RP1: variants seen among roughly 807,000 people sequenced by gnomAD.
RP1 encodes the protein oxygen-regulated protein 1.
A neutral mutation model predicts 14.8 loss-of-function variants in RP1; 16 were observed. The observed-to-expected ratio is 1.08, with a 90% CI of 0.73 to 1.65. The LOEUF (loss-of-function observed/expected upper bound fraction) is 1.65. Among genes scored for constraint, RP1 ranks in the 40% most tolerant of loss-of-function variants. RP1 has a pLI of 0.00. For missense variants in RP1, 2,631 were observed against 2,535.0 expected, an observed-to-expected ratio of 1.04 and a Z score of -0.81; for synonymous variants, 876 against 883.6, an observed-to-expected ratio of 0.99 and a Z score of 0.15.
chr8:54,658,170 G>A (rs1306764747), intron 6 of RP1, among the ~76,000 whole-genome samples: 1 of 152,122 alleles, frequency 6.6e-6, no homozygotes, highest in Non-Finnish European at 1.5e-5. Context: ...ATGAGTGTAA[G>A]CATACAGTTT....
At chr8:54,825,765 C>T (rs1811374253) in intron 24 of RP1, among the ~76,000 whole-genome samples, 1 of 152,126 alleles carries the variant, frequency 6.6e-6, no homozygotes, top group African/African-American at 2.4e-5. Context: ...TTTTCCTTTA[C>T]ATATTTTGCT....
intron 24 of RP1, among the ~76,000 whole-genome samples, chr8:54,786,582 G>A (rs543312118): frequency 9.2e-5 from 14 of 152,048 alleles, no homozygotes; most frequent in Admixed American, 3.9e-4. Context: ...ACCAATGTTC[G>A]TCGTTTTCAT....
At chr8:54,621,653 T>C in intron 2 of RP1, 72 bp downstream of exon 2, 1 of 1,604,844 alleles carries the variant, frequency 6.2e-7, no homozygotes, top group Non-Finnish European at 8.5e-7. Context: ...GTGTGGGATA[T>C]GAATGGTGGC....
At chr8:54,713,269 T>C (rs1808333381) in intron 15 of RP1, among the ~76,000 whole-genome samples, 1 of 152,204 alleles carries the variant, frequency 6.6e-6, no homozygotes. Flanking sequence ...ATCACCTTAA[T>C]AGATTTGATG....
At chr8:54,796,326 A>G (rs1318283207) in intron 24 of RP1, among the ~76,000 whole-genome samples, 1 of 152,222 alleles carries the variant, frequency 6.6e-6, no homozygotes, top group African/African-American at 2.4e-5. Context: ...AATTCTTAAA[A>G]GTATTTGTAT....
rs978054132 is a variant in RP1, at chr8:54,671,862, A to T, written c.1324-1988A>T. Among the ~76,000 whole-genome samples the T allele has an allele frequency of 2.0e-5, 3 of 152,106 alleles. No individual in the cohort carries two copies. The East Asian group carries it at 5.8e-4, about 29-fold the overall frequency. On this transcript the variant is annotated intron_variant, in intron 7 of 22. Transcript: ENST00000636932. The stretch of plus-strand genomic sequence containing the variant: ...TTTCATGGAACCATTCATTTCTTTG[A>T]TCGGGCCATGTTTTCCTCTTCTTTG...
At chr8:54,724,316 A>T (rs745821712) in intron 16 of RP1, among the ~76,000 whole-genome samples, 4 of 152,220 alleles carry the variant, frequency 2.6e-5, no homozygotes, top group Non-Finnish European at 4.4e-5. Context: ...CACTTGTTTT[A>T]CTTTTAAAAT....
At chr8:54,660,475 T>C (rs1585587039) in intron 6 of RP1, among the ~76,000 whole-genome samples, 1 of 152,306 alleles carries the variant, frequency 6.6e-6, no homozygotes, top group African/African-American at 2.4e-5. Flanking sequence ...GCATGTTACA[T>C]TGATTGATTT....
chr8:54,581,321 C>T (rs562392494), intron 1 of RP1, among the ~76,000 whole-genome samples: 9 of 152,272 alleles, frequency 5.9e-5, no homozygotes, highest in East Asian at 1.9e-4. Flanking sequence ...CATGTCCCTA[C>T]GAAGGACATG....
intron 14 of RP1, among the ~76,000 whole-genome samples, chr8:54,703,936 T>C (rs941835658): frequency 5.9e-5 from 9 of 152,178 alleles, no homozygotes; most frequent in African/African-American, 2.2e-4. Flanking sequence ...CTTCATAGAA[T>C]TGTAGAGAGT....
intron 7 of RP1, among the ~76,000 whole-genome samples, chr8:54,671,570 C>T (rs1042489982): frequency 6.6e-6 from 1 of 152,046 alleles, no homozygotes; most frequent in Non-Finnish European, 1.5e-5. Flanking sequence ...AAGTGAACTG[C>T]TTTCAAGAAA....
intron 3 of RP1, among the ~76,000 whole-genome samples, chr8:54,645,173 A>G (rs1365165558): frequency 6.6e-6 from 1 of 152,188 alleles, no homozygotes; most frequent in East Asian, 1.9e-4. Context: ...GTTTCTGGCT[A>G]TTGTGAGTAA....
In RP1 at chr8:54,692,452, A is replaced by G. The variant is rs1367774179; in HGVS notation, c.1718-7015A>G. Among the ~76,000 whole-genome samples, 10 of 42,502 alleles carry G rather than the reference A, an allele frequency of 2.4e-4. 4 individuals are homozygous for G. Among genetic ancestry groups the G allele is most frequent in the Non-Finnish European group, 7.7e-5 (2 of 25,900 alleles). 27.9% of individuals were successfully genotyped at this position (42,502 alleles called of 152,430 possible). ...CCAGTAACAGTGTAAAACTATTCCT[A>G]TTTCTCCACATCCTCTCCAGCACCT... On this transcript the variant is annotated intron_variant, in intron 12 of 22. Coordinates refer to the RP1 transcript ENST00000636932.
At chr8:54,863,221 AC>A (rs1214604715) in intron 27 of RP1, among the ~76,000 whole-genome samples, 1 of 151,974 alleles carries the variant, frequency 6.6e-6, no homozygotes, top group Non-Finnish European at 1.5e-5. Flanking sequence ...GAAACACATT[AC>A]CTTTTCTATG....
chr8:54,803,741 A>G (rs1353658691), intron 24 of RP1, among the ~76,000 whole-genome samples: 2 of 152,242 alleles, frequency 1.3e-5, no homozygotes, highest in Admixed American at 6.5e-5. Flanking sequence ...TTATATATAC[A>G]TAAATATTAC....
intron 1 of RP1, among the ~76,000 whole-genome samples, chr8:54,602,009 C>A (rs1805304006): frequency 6.6e-6 from 1 of 152,184 alleles, no homozygotes; most frequent in Non-Finnish European, 1.5e-5. Flanking sequence ...TGGAACAACT[C>A]TGAATATTCT....
At chr8:54,797,933 T>C (rs1280232546) in intron 24 of RP1, among the ~76,000 whole-genome samples, 1 of 149,556 alleles carries the variant, frequency 6.7e-6, no homozygotes, top group Admixed American at 6.8e-5. Context: ...AATTTTGCAG[T>C]GTGGTGATTT....
chr8:54,748,954 T>C (rs1809293664), intron 19 of RP1, among the ~76,000 whole-genome samples: 1 of 152,180 alleles, frequency 6.6e-6, no homozygotes, highest in Non-Finnish European at 1.5e-5. Flanking sequence ...TTCTATCCAG[T>C]GTTTATCTTA....
intron 17 of RP1, among the ~76,000 whole-genome samples, chr8:54,728,215 T>C (rs1465585996): frequency 1.3e-5 from 2 of 152,144 alleles, no homozygotes; most frequent in African/African-American, 4.8e-5. Flanking sequence ...CCTAGAAGTC[T>C]CTCTCTCATC....
Sources: allele counts gnomAD v4.1 joint callset (sites outside exome capture counted in the v4.1 genomes callset), GRCh38; gene constraint gnomAD v4.1.1; transcripts MANE v1.5; gene names NCBI Gene and HGNC (gene_info 2026-07-23, HGNC 2026-07-21).